TAFA1: variants seen among roughly 807,000 people sequenced by gnomAD.
TAFA1 encodes the protein TAFA chemokine like family member 1.
TAFA1 carries 4 observed loss-of-function variants against 18.5 expected under a neutral mutation model. The observed-to-expected ratio is 0.22, with a 90% CI of 0.11 to 0.49. The LOEUF is 0.49. Ranked by LOEUF, TAFA1 falls within the 20% of genes least tolerant of loss-of-function variation. TAFA1 has a pLI of 0.98. For synonymous variants in TAFA1, 56 were observed against 55.2 expected, an observed-to-expected ratio of 1.01 and a Z score of -0.06; for missense variants, 147 against 169.0, an observed-to-expected ratio of 0.87 and a Z score of 0.72.
chr3:68,409,471 G>A (rs1218205046), intron 2 of TAFA1, among the ~76,000 whole-genome samples: 1 of 152,048 alleles, frequency 6.6e-6, no homozygotes, highest in Non-Finnish European at 1.5e-5. Flanking sequence ...TTTAAAAGTG[G>A]TCATTTCCCC....
intron 2 of TAFA1, among the ~76,000 whole-genome samples, chr3:68,375,642 A>T (rs2069795772): frequency 6.6e-6 from 1 of 152,212 alleles, no homozygotes; most frequent in Non-Finnish European, 1.5e-5. Context: ...ATTCATTAAA[A>T]CAGATGTGAA....
At chr3:68,111,765 G>GAC (rs1277551605) in intron 2 of TAFA1, among the ~76,000 whole-genome samples, 2 of 125,116 alleles carry the variant, frequency 1.6e-5, no homozygotes, top group Non-Finnish European at 3.3e-5. Flanking sequence ...AATAATCCAT[G>GAC]ACACACACAT....
intron 2 of TAFA1, among the ~76,000 whole-genome samples, chr3:68,127,898 T>C (rs902910501): frequency 6.7e-6 from 1 of 150,018 alleles, no homozygotes; most frequent in Non-Finnish European, 1.5e-5. Context: ...CTGATGGCAG[T>C]GGTGGTGGTG....
upstream of TAFA1, among the ~76,000 whole-genome samples, chr3:68,003,868 C>T (rs1421050572): frequency 4.6e-5 from 7 of 152,264 alleles, no homozygotes; most frequent in Non-Finnish European, 8.8e-5. Flanking sequence ...GTCTATTTAA[C>T]TGCTGAAACA....
At chr3:68,464,259 G>C (rs150438896) in intron 3 of TAFA1, among the ~76,000 whole-genome samples, 5 of 152,120 alleles carry the variant, frequency 3.3e-5, no homozygotes, top group Admixed American at 6.6e-5. Flanking sequence ...AGTGGGGATA[G>C]GACAGTGAAT....
At chr3:68,270,655 C>G (rs1456261033) in intron 2 of TAFA1, among the ~76,000 whole-genome samples, 3 of 152,132 alleles carry the variant, frequency 2.0e-5, no homozygotes, top group Admixed American at 1.3e-4. Flanking sequence ...AAGTACCCTT[C>G]CTTTTGGCTG....
chr3:68,278,374 A>G (rs1265279059), intron 2 of TAFA1, among the ~76,000 whole-genome samples: 1 of 152,186 alleles, frequency 6.6e-6, no homozygotes, highest in African/African-American at 2.4e-5. Context: ...CCCAGCTTCA[A>G]TAATTACCAA....
chr3:68,161,189 G>T (rs1038284013), intron 2 of TAFA1, among the ~76,000 whole-genome samples: 5 of 152,134 alleles, frequency 3.3e-5, no homozygotes, highest in Non-Finnish European at 7.4e-5. Flanking sequence ...TCCCATAGAA[G>T]GTATAACGCT....
chr3:68,536,203 T>C (rs986373597), intron 3 of TAFA1, among the ~76,000 whole-genome samples: 1 of 152,190 alleles, frequency 6.6e-6, no homozygotes, highest in African/African-American at 2.4e-5. Context: ...AAGAAAAGCA[T>C]AGAAGGAAAG....
At position 68,350,068 on chromosome 3, in the gene TAFA1, A is replaced by T. The variant is rs538007025; in HGVS notation, c.119-67212A>T. Reference sequence around the variant, plus strand: ...TTAAGGGTTGTAAACTGAACCGTGCATATGTATAGTTATTGCTATAAGTAG... The same window carrying T: ...TTAAGGGTTGTAAACTGAACCGTGCTTATGTATAGTTATTGCTATAAGTAG... On this transcript the variant is annotated intron_variant, in intron 2 of 4. Transcript: ENST00000478136. Among the ~76,000 whole-genome samples the T allele has an allele frequency of 4.2e-4, 64 of 152,266 alleles. 3 individuals are homozygous for T. The South Asian group carries it at 0.012, about 29-fold the overall frequency.
chr3:68,469,791 G>T (rs1426871179), intron 3 of TAFA1, among the ~76,000 whole-genome samples: 2 of 152,148 alleles, frequency 1.3e-5, no homozygotes, highest in Non-Finnish European at 2.9e-5. Context: ...TTCTGATTCT[G>T]GTATGTATTA....
chr3:68,436,673 C>A (rs2071273153), intron 3 of TAFA1, among the ~76,000 whole-genome samples: 1 of 152,094 alleles, frequency 6.6e-6, no homozygotes, highest in Admixed American at 6.6e-5. Context: ...TTAAGGATTG[C>A]TCAGAGTTCA....
intron 3 of TAFA1, among the ~76,000 whole-genome samples, chr3:68,487,877 A>G (rs1370755728): frequency 1.3e-5 from 2 of 149,734 alleles, no homozygotes; most frequent in African/African-American, 4.9e-5. Flanking sequence ...AGTGTTGTAG[A>G]TGTTTTTGCT....
intron 2 of TAFA1, among the ~76,000 whole-genome samples, chr3:68,372,208 T>C (rs2069720630): frequency 6.6e-6 from 1 of 152,194 alleles, no homozygotes; most frequent in Non-Finnish European, 1.5e-5. Context: ...TAGTTACTGG[T>C]TGGGTTTTGA....
chr3:68,069,641 T>C (rs908083374), intron 2 of TAFA1, among the ~76,000 whole-genome samples: 1 of 152,130 alleles, frequency 6.6e-6, no homozygotes, highest in Non-Finnish European at 1.5e-5. Flanking sequence ...GTCCAAAGTC[T>C]CATCTGAGAC....
chr3:68,143,467 C>A (rs2065696001), intron 2 of TAFA1, among the ~76,000 whole-genome samples: 1 of 152,190 alleles, frequency 6.6e-6, no homozygotes, highest in African/African-American at 2.4e-5. Context: ...ACAATGGTCT[C>A]CCTTTCTCTC....
chr3:68,037,435 T>A (rs1705076391), intron 2 of TAFA1, among the ~76,000 whole-genome samples: 1 of 152,200 alleles, frequency 6.6e-6, no homozygotes, highest in Non-Finnish European at 1.5e-5. Context: ...AAGCCCACAG[T>A]CTTGCTTCAC....
chr3:68,263,658 C>T (rs943102274), intron 2 of TAFA1, among the ~76,000 whole-genome samples: 5 of 151,382 alleles, frequency 3.3e-5, no homozygotes, highest in South Asian at 2.1e-4. Context: ...AGTGGAGGGG[C>T]GGGGGGCGGT....
intron 2 of TAFA1, among the ~76,000 whole-genome samples, chr3:68,232,516 T>C (rs990153630): frequency 4.6e-5 from 7 of 152,184 alleles, no homozygotes; most frequent in Admixed American, 2.0e-4. Flanking sequence ...GAAATAAACA[T>C]GGGGGTGCAG....
Sources: gnomAD v4.1 joint callset for allele counts (sites outside exome capture counted in the v4.1 genomes callset) on GRCh38, gnomAD v4.1.1 for gene constraint, MANE v1.5 for transcripts, NCBI Gene and HGNC (gene_info 2026-07-23, HGNC 2026-07-21) for gene names.